Variants in RDX observed in about 807,000 individuals in gnomAD.
The protein encoded by RDX is deafness, autosomal recessive 24.
RDX carries 32 observed loss-of-function variants against 83.7 expected under a neutral mutation model. The observed-to-expected ratio is 0.38, with a 90% CI of 0.29 to 0.51. The LOEUF (loss-of-function observed/expected upper bound fraction) is 0.51. Ranked by LOEUF, RDX falls within the 20% of genes least tolerant of loss-of-function variation. The pLI, the probability that RDX is intolerant of heterozygous loss-of-function variation, is 0.87. For missense variants in RDX, 600 were observed against 689.9 expected (o/e 0.87, Z 1.46); for synonymous variants, 229 against 222.7 (o/e 1.03, Z -0.25).
At chr11:110,267,132 G>A (rs1215483410) in intron 3 of RDX, among the ~76,000 whole-genome samples, 1 of 152,072 alleles carries the variant, frequency 6.6e-6, no homozygotes, top group East Asian at 1.9e-4. Flanking sequence ...TTGACCTCCT[G>A]AGCTCAAGGG....
chr11:110,194,463 G>A (rs948871672), intron 15 of RDX, among the ~76,000 whole-genome samples: 13 of 152,264 alleles, frequency 8.5e-5, no homozygotes, highest in East Asian at 7.7e-4. Flanking sequence ...CAACTGATCC[G>A]CCCACCTCAG....
chr11:110,207,728 A>G (rs1333450488), intron 14 of RDX, among the ~76,000 whole-genome samples: 1 of 152,170 alleles, frequency 6.6e-6, no homozygotes, highest in African/African-American at 2.4e-5. Context: ...AAACATGCTC[A>G]TTATTTACAT....
intron 1 of RDX, among the ~76,000 whole-genome samples, chr11:110,283,342 C>T (rs546738975): frequency 2.6e-5 from 4 of 152,148 alleles, no homozygotes; most frequent in Admixed American, 1.3e-4. Context: ...TTAGTAGAGA[C>T]AGGGTTTCAC....
At chr11:110,246,439 T>C (rs1277555823) in intron 10 of RDX, among the ~76,000 whole-genome samples, 1 of 151,882 alleles carries the variant, frequency 6.6e-6, no homozygotes, top group East Asian at 1.9e-4. Context: ...TCTGAAATGC[T>C]ACAAAATCCA....
intron 1 of RDX, among the ~76,000 whole-genome samples, chr11:110,284,198 C>CA (rs1407294759): frequency 2.6e-5 from 4 of 152,184 alleles, no homozygotes; most frequent in African/African-American, 9.7e-5. Context: ...GAATACATAA[C>CA]AAAAGCTACA....
intron 1 of RDX, among the ~76,000 whole-genome samples, chr11:110,295,224 C>G (rs1005167314): frequency 4.7e-5 from 7 of 149,106 alleles, no homozygotes; most frequent in East Asian, 2.0e-4. Context: ...GCAAATGGAT[C>G]AAGCCATTAT....
chr11:110,261,206 A>C (rs1271260834), intron 5 of RDX, among the ~76,000 whole-genome samples: 1 of 152,184 alleles, frequency 6.6e-6, no homozygotes, highest in Non-Finnish European at 1.5e-5. Flanking sequence ...TTTCAAACTC[A>C]ATAGGTTCAA....
chr11:110,265,357 C>T (rs186777854), intron 3 of RDX, among the ~76,000 whole-genome samples: 1 of 151,934 alleles, frequency 6.6e-6, no homozygotes, highest in Non-Finnish European at 1.5e-5. Flanking sequence ...CTTCCAAAGT[C>T]TTGGGATTAT....
intron 2 of RDX, among the ~76,000 whole-genome samples, chr11:110,277,906 C>T (rs1860584243): frequency 6.6e-6 from 1 of 152,088 alleles, no homozygotes; most frequent in African/African-American, 2.4e-5. Context: ...CCTATGTTTT[C>T]TTCTAGATGT....
intron 3 of RDX, among the ~76,000 whole-genome samples, chr11:110,267,557 C>T (rs1195997654): frequency 2.7e-5 from 4 of 147,934 alleles, no homozygotes; most frequent in African/African-American, 1.0e-4. Flanking sequence ...CACACACACA[C>T]ACACACACAA....
intron 14 of RDX, among the ~76,000 whole-genome samples, chr11:110,203,611 G>T (rs1440843467): frequency 2.6e-5 from 4 of 151,860 alleles, no homozygotes; most frequent in Non-Finnish European, 5.9e-5. Flanking sequence ...CACATTGCAT[G>T]CTTGTATCAA....
intron 3 of RDX, among the ~76,000 whole-genome samples, chr11:110,269,248 G>C (rs1408364994): frequency 6.6e-6 from 1 of 152,136 alleles, no homozygotes; most frequent in Non-Finnish European, 1.5e-5. Context: ...AAAGTGCTGG[G>C]ATTACAGGTG....
At chr11:110,193,682 T>C (rs914302581) in intron 15 of RDX, among the ~76,000 whole-genome samples, 2 of 152,204 alleles carry the variant, frequency 1.3e-5, no homozygotes, top group Non-Finnish European at 2.9e-5. Flanking sequence ...AGAAATCATT[T>C]AGTCCAAACA....
chr11:110,220,610 T>C (rs1864209778), intron 14 of RDX, among the ~76,000 whole-genome samples: 1 of 152,184 alleles, frequency 6.6e-6, no homozygotes, highest in Non-Finnish European at 1.5e-5. Flanking sequence ...GCGATTCTCC[T>C]GCCTCAGCCT....
At chr11:110,258,815 CTTGT>C (rs901493312) in intron 5 of RDX, among the ~76,000 whole-genome samples, 89 of 150,240 alleles carry the variant, frequency 5.9e-4, no homozygotes, top group African/African-American at 2.1e-3. Flanking sequence ...CCCCAAATAA[CTTGT>C]TTTTGTATCC....
chr11:110,236,579 C>G (rs1373364710), intron 11 of RDX: 2 of 187,542 alleles, frequency 1.1e-5, no homozygotes, highest in Admixed American at 5.7e-5. Flanking sequence ...ATTTAATACC[C>G]CAATAATCCT....
At chr11:110,237,703 A>G (rs1864917737) in intron 10 of RDX, 51 bp from the exon 11 acceptor site, 1 of 1,588,610 alleles carries the variant, frequency 6.3e-7, no homozygotes, top group African/African-American at 1.3e-5. Context: ...AATCATTCTC[A>G]TTATCAAAAG....
At chr11:110,212,187 T>A (rs1863862630) in intron 14 of RDX, among the ~76,000 whole-genome samples, 2 of 151,280 alleles carry the variant, frequency 1.3e-5, no homozygotes, top group Non-Finnish European at 2.9e-5. Flanking sequence ...CAAACTACCA[T>A]CAGAGAATAC....
chr11:110,199,318 T>C (rs1340720874), intron 15 of RDX, among the ~76,000 whole-genome samples: 1 of 152,028 alleles, frequency 6.6e-6, no homozygotes, highest in Non-Finnish European at 1.5e-5. Flanking sequence ...CACCTCAAAA[T>C]TATTAAATTG....
Sources: gnomAD v4.1 joint callset for allele counts (sites outside exome capture counted in the v4.1 genomes callset) on GRCh38, gnomAD v4.1.1 for gene constraint, MANE v1.5 for transcripts, NCBI Gene and HGNC (gene_info 2026-07-23, HGNC 2026-07-21) for gene names.